The following ELMO1 variants were observed in gnomAD, a reference collection of about 807,000 sequenced individuals.
The protein encoded by ELMO1 is engulfment and cell motility protein 1.
Under a neutral mutation model 98.9 loss-of-function variants are expected in ELMO1, and 26 were observed. The observed-to-expected ratio is 0.26, with a 90% CI of 0.19 to 0.36. The LOEUF (loss-of-function observed/expected upper bound fraction) is 0.36, where lower values mean the gene tolerates loss of function less well. ELMO1 is among the 10% of genes least tolerant of loss of function. The pLI is 1.00. For missense variants in ELMO1, 627 were observed against 935.2 expected, an observed-to-expected ratio of 0.67 and a Z score of 4.30; for synonymous variants, 346 against 346.0, an observed-to-expected ratio of 1.00 and a Z score of 0.00.
At chr7:37,008,338 C>T (rs1793293790) in intron 16 of ELMO1, among the ~76,000 whole-genome samples, 2 of 152,180 alleles carry the variant, frequency 1.3e-5, no homozygotes, top group Admixed American at 6.5e-5. Context: ...GTGTGTTTCA[C>T]ACGGGAAACT....
At chr7:37,055,006 A>G (rs968575906) in intron 15 of ELMO1, among the ~76,000 whole-genome samples, 2 of 152,232 alleles carry the variant, frequency 1.3e-5, no homozygotes, top group Non-Finnish European at 2.9e-5. Context: ...AATAGCACTG[A>G]GCATATTCCA....
At position 37,141,455 on chromosome 7, in the gene ELMO1, A is replaced by G. The variant is rs529935844; in HGVS notation, c.1087-8221T>C. Among the ~76,000 whole-genome samples, 6 of 152,286 alleles carry G rather than the reference A, an allele frequency of 3.9e-5. No homozygotes were observed. In the South Asian group the frequency reaches 8.3e-4, roughly 21 times the overall value. On this transcript the variant is annotated intron_variant, in intron 13 of 21. Transcript: ENST00000310758. ...TGACAGGTGCACCAAAATCTTAGAA[A>G]TCATCACTAAAGAACTTATTCATGT... is the stretch of plus-strand genomic sequence containing the variant.
chr7:37,280,148 T>C (rs1370043660), intron 4 of ELMO1, among the ~76,000 whole-genome samples: 1 of 152,066 alleles, frequency 6.6e-6, no homozygotes. Context: ...TGGCAAGCCA[T>C]ATGTCGGAGA....
intron 11 of ELMO1, among the ~76,000 whole-genome samples, chr7:37,214,976 T>A (rs1158235040): frequency 6.6e-6 from 1 of 152,190 alleles, no homozygotes. Flanking sequence ...ATGAAGACAC[T>A]GAGCTACCCA....
At position 37,278,113 on chromosome 7, in the gene ELMO1, C is replaced by CTTTTTT. The variant is rs36110041; in HGVS notation, c.193-6237_193-6232dup. Among the ~76,000 whole-genome samples, 546 of 85,580 alleles carry CTTTTTT rather than the reference C, an allele frequency of 6.4e-3. 10 individuals are homozygous for CTTTTTT. Among genetic ancestry groups the CTTTTTT allele is most frequent in the African/African-American group, 0.024 (506 of 21,348 alleles). The allele number at this position is 85,580 out of a possible 152,430, so 56.1% of individuals were successfully genotyped here. A position where few individuals can be genotyped will look rare whatever the true frequency, so the allele number is the denominator to read the frequency against. On this transcript the variant is annotated intron_variant, in intron 4 of 21. Transcript: ENST00000310758. ...ACTTTACTTTCTGTGATAGCTTTTC[C>CTTTTTT]TTTTTTTTTTTTTTTTTTTTTTTGG...
At chr7:37,068,188 G>T (rs1409994472) in intron 15 of ELMO1, among the ~76,000 whole-genome samples, 1 of 152,138 alleles carries the variant, frequency 6.6e-6, no homozygotes, top group East Asian at 1.9e-4. Context: ...AATGAAGGCT[G>T]TGGTAACATG....
chr7:36,898,399 A>T (rs775225075), intron 16 of ELMO1, among the ~76,000 whole-genome samples: 1 of 152,164 alleles, frequency 6.6e-6, no homozygotes, highest in African/African-American at 2.4e-5. Context: ...CCATCATTCA[A>T]TCGATGTCTG....
At chr7:37,001,423 T>C (rs1792664322) in intron 16 of ELMO1, among the ~76,000 whole-genome samples, 1 of 152,186 alleles carries the variant, frequency 6.6e-6, no homozygotes, top group Admixed American at 6.5e-5. Context: ...AGATACTACT[T>C]AAAAGCACCT....
intron 4 of ELMO1, among the ~76,000 whole-genome samples, chr7:37,298,278 GT>G (rs200612374): frequency 2.1e-3 from 126 of 58,654 alleles, no homozygotes; most frequent in Non-Finnish European, 3.7e-3. Flanking sequence ...AGACTAGGAA[GT>G]TTTTTTTGTT....
intron 1 of ELMO1, among the ~76,000 whole-genome samples, chr7:37,409,424 T>C (rs1390179155): frequency 6.6e-6 from 1 of 152,150 alleles, no homozygotes; most frequent in Non-Finnish European, 1.5e-5. Flanking sequence ...ACAACAACAA[T>C]CACTTCATTT....
intron 9 of ELMO1, among the ~76,000 whole-genome samples, chr7:37,224,659 A>G (rs1371067760): frequency 6.6e-6 from 1 of 152,242 alleles, no homozygotes; most frequent in African/African-American, 2.4e-5. Flanking sequence ...GCGTGGGGAC[A>G]GGCAATGCCA....
intron 13 of ELMO1, among the ~76,000 whole-genome samples, chr7:37,160,498 G>A (rs1789125214): frequency 1.3e-5 from 2 of 152,050 alleles, no homozygotes; most frequent in South Asian, 4.1e-4. Context: ...TTCCCCACTG[G>A]CACCCTGATG....
chr7:37,199,953 T>A (rs1405266311), intron 13 of ELMO1, among the ~76,000 whole-genome samples: 1 of 152,210 alleles, frequency 6.6e-6, no homozygotes. Flanking sequence ...CCCTGCCCCA[T>A]GACTTAATGT....
At chr7:37,115,504 G>A (rs1785530066) in intron 14 of ELMO1, among the ~76,000 whole-genome samples, 1 of 152,002 alleles carries the variant, frequency 6.6e-6, no homozygotes, top group Admixed American at 6.6e-5. Context: ...GTTGTATAAT[G>A]GTATCAATAG....
intron 15 of ELMO1, among the ~76,000 whole-genome samples, chr7:37,064,111 A>G (rs1487215334): frequency 1.3e-5 from 2 of 152,192 alleles, no homozygotes; most frequent in Non-Finnish European, 2.9e-5. Context: ...CAGTCCCACC[A>G]GATGGCCTCA....
chr7:37,063,055 A>C (rs988637015), intron 15 of ELMO1, among the ~76,000 whole-genome samples: 1 of 152,210 alleles, frequency 6.6e-6, no homozygotes, highest in East Asian at 1.9e-4. Flanking sequence ...CCTCCCGGTA[A>C]GAAAATAAGC....
chr7:37,155,487 C>CA (rs781745325), intron 13 of ELMO1, among the ~76,000 whole-genome samples: 2,648 of 49,604 alleles, frequency 0.053, 91 homozygotes, highest in East Asian at 0.16. Context: ...AAACGGAAAG[C>CA]AAAAAAAAAA....
intron 1 of ELMO1, among the ~76,000 whole-genome samples, chr7:37,444,255 C>A (rs1805523118): frequency 6.6e-6 from 1 of 152,122 alleles, no homozygotes; most frequent in Non-Finnish European, 1.5e-5. Context: ...TAGAATCATT[C>A]ATGTGGGGAA....
At chr7:37,412,337 C>T (rs1172585413) in intron 1 of ELMO1, among the ~76,000 whole-genome samples, 1 of 152,192 alleles carries the variant, frequency 6.6e-6, no homozygotes, top group Non-Finnish European at 1.5e-5. Flanking sequence ...GTGCCAGCCC[C>T]CTTCACCACC....
Sources: gnomAD v4.1 joint callset for allele counts (sites outside exome capture counted in the v4.1 genomes callset) on GRCh38, gnomAD v4.1.1 for gene constraint, MANE v1.5 for transcripts, NCBI Gene and HGNC (gene_info 2026-07-23, HGNC 2026-07-21) for gene names.